The following ABL2 variants were observed in gnomAD, a reference collection of about 807,000 sequenced individuals.
ABL2 encodes the protein ABL proto-oncogene 2, non-receptor tyrosine kinase.
A neutral mutation model predicts 107.7 loss-of-function variants in ABL2; 49 were observed. That is an observed-to-expected ratio of 0.45 (90% CI 0.36 to 0.58). ABL2 has a LOEUF of 0.58. Ranked by LOEUF, ABL2 falls within the 20% of genes least tolerant of loss-of-function variation. The probability of loss-of-function intolerance (pLI) is 0.00; values close to 1 mark genes in which losing one functional copy is unlikely to be tolerated. For missense variants in ABL2, 1,245 were observed against 1,457.0 expected (o/e 0.85, Z 2.37); for synonymous variants, 549 against 548.6 (o/e 1.00, Z -0.01).
At chr1:179,182,097 T>C (rs1399823408) in intron 1 of ABL2, among the ~76,000 whole-genome samples, 1 of 151,760 alleles carries the variant, frequency 6.6e-6, no homozygotes, top group African/African-American at 2.4e-5. Flanking sequence ...GCACCCAGCC[T>C]ATCTTCAAAC....
Position 179,121,727 on chromosome 1 carries a change from G to C in ABL2, c.828C>G (p.Pro276=). 6.2e-7 allele frequency: 1 copy of C among 1,614,046 alleles called. No homozygotes were observed. Among genetic ancestry groups the C allele is most frequent in the Non-Finnish European group, 8.5e-7 (1 of 1,180,018 alleles). Residue 276 remains proline (P), a synonymous_variant, in exon 5 of 12, where the codon CCC becomes CCG. Transcript: ENST00000502732. ...CNKPTVYGVS[P]IHDKWEMERT... is the part of the protein sequence containing the mutation. ...GCTCCATTTCCCATTTGTCGTGGAT[G>C]GGGGACACACCATAGACTGTAGGCT...
intron 1 of ABL2, among the ~76,000 whole-genome samples, chr1:179,146,132 C>T (rs1657972897): frequency 6.6e-6 from 1 of 151,910 alleles, no homozygotes; most frequent in African/African-American, 2.4e-5. Flanking sequence ...TTTTAAAAGA[C>T]CATTATTACA....
intron 1 of ABL2, among the ~76,000 whole-genome samples, chr1:179,161,112 T>G (rs1343457985): frequency 6.6e-6 from 1 of 151,964 alleles, no homozygotes; most frequent in African/African-American, 2.4e-5. Context: ...CCTATACAAA[T>G]AGGGATAAAG....
chr1:179,150,330 C>T (rs762151022), intron 1 of ABL2, among the ~76,000 whole-genome samples: 1 of 152,180 alleles, frequency 6.6e-6, no homozygotes, highest in Non-Finnish European at 1.5e-5. Flanking sequence ...AAGGATCTAC[C>T]ATTCTAGATG....
chr1:179,136,402 G>C (rs534026508), intron 1 of ABL2, among the ~76,000 whole-genome samples: 34 of 152,288 alleles, frequency 2.2e-4, no homozygotes, highest in Admixed American at 2.0e-3. Context: ...GTTGATCGGT[G>C]ACCTTACCCC....
At chr1:179,161,482 C>T (rs1164989786) in intron 1 of ABL2, among the ~76,000 whole-genome samples, 1 of 151,972 alleles carries the variant, frequency 6.6e-6, no homozygotes, top group Admixed American at 6.6e-5. Flanking sequence ...CTTTGGGAGA[C>T]CAAGGTGGTA....
intron 1 of ABL2, among the ~76,000 whole-genome samples, chr1:179,158,918 T>A (rs28914492): frequency 6.6e-6 from 1 of 152,284 alleles, no homozygotes; most frequent in Non-Finnish European, 1.5e-5. Flanking sequence ...GAATATAATA[T>A]CATCTCCCAT....
chr1:179,160,235 C>G (rs549962258), intron 1 of ABL2, among the ~76,000 whole-genome samples: 1 of 151,732 alleles, frequency 6.6e-6, no homozygotes, highest in South Asian at 2.1e-4. Flanking sequence ...CTACTTCAGC[C>G]GGGGGTGGTG....
intron 1 of ABL2, among the ~76,000 whole-genome samples, chr1:179,158,522 C>T (rs925777231): frequency 2.6e-5 from 4 of 152,084 alleles, no homozygotes; most frequent in African/African-American, 9.7e-5. Flanking sequence ...GTTTAAGGGA[C>T]CCCCACAACC....
chr1:179,126,591 G>C lies in ABL2; in HGVS notation c.473C>G (p.Pro158Arg). 6.2e-7 allele frequency: 1 copy of C among 1,614,110 alleles called. No individual in the cohort carries two copies. The highest frequency in any genetic ancestry group is 2.2e-5 in the East Asian group (1 of 44,884). The change falls in exon 4 of 12, where the codon CCA becomes CGA. Residue 158 changes from proline to arginine, a missense_variant. By Grantham distance (103) the Pro-to-Arg change is moderately radical. Transcript: ENST00000502732. The surrounding 1 kb of genome is among the most constrained non-coding windows in gnomAD (Gnocchi z 4.4). ...GTTCACTGGGGTGATGTAGTTGCTT[G>C]GCACCCAGCCCTGCCCATTCTTAGA... The part of the protein sequence containing the change: ...VRSKNGQGWV[P>R]SNYITPVNSL...
At chr1:179,142,815 A>C (rs648727) in intron 1 of ABL2, 1 of 1,229,648 alleles carries the variant, frequency 8.1e-7, no homozygotes, top group Non-Finnish European at 1.1e-6. Context: ...ACAAACTTTC[A>C]CTGACCAAGA....
intron 1 of ABL2, among the ~76,000 whole-genome samples, chr1:179,158,678 C>T (rs1036351314): frequency 6.6e-6 from 1 of 152,054 alleles, no homozygotes; most frequent in African/African-American, 2.4e-5. Flanking sequence ...ACATGGGTAG[C>T]GCACACACAC....
At chr1:179,188,508 C>T (rs1660812027) in intron 1 of ABL2, among the ~76,000 whole-genome samples, 1 of 152,150 alleles carries the variant, frequency 6.6e-6, no homozygotes, top group South Asian at 2.1e-4. Context: ...GATCACACCA[C>T]CACACTCCAG....
chr1:179,201,495 T>C, intron 1 of ABL2: 1 of 255,224 alleles, frequency 3.9e-6, no homozygotes, highest in African/African-American at 2.3e-5. Context: ...TAATCCAAGG[T>C]GATTCCCTCT....
At chr1:179,198,553 C>T (rs999044756) in intron 1 of ABL2, among the ~76,000 whole-genome samples, 1 of 151,362 alleles carries the variant, frequency 6.6e-6, no homozygotes, top group South Asian at 2.1e-4. Flanking sequence ...AGTAGCCAGG[C>T]GTGGTGTCAG....
intron 1 of ABL2, among the ~76,000 whole-genome samples, chr1:179,147,571 G>C (rs188764153): frequency 6.6e-6 from 1 of 152,330 alleles, no homozygotes; most frequent in East Asian, 1.9e-4. Context: ...GCAGCAACAT[G>C]GTTGGAACTG....
In ABL2 at chr1:179,131,433, T is replaced by C; in HGVS notation, c.269A>G (p.Asn90Ser). 6.2e-7 allele frequency: 1 copy of C among 1,614,124 alleles called. No individual in the cohort carries two copies. The highest frequency in any genetic ancestry group is 8.5e-7 in the Non-Finnish European group (1 of 1,179,966). The change falls in exon 3 of 12, where the codon AAT becomes AGT. Residue 90 changes from asparagine to serine, a missense_variant. This residue lies in a region of ABL2 where 164 missense variants were observed against 143.7 expected (regional missense o/e 1.14). Transcript: ENST00000502732. ...YGCDVEPQAL[N>S]EAIRWSSKEN... ...CTTGGAGCTCCACCTGATAGCCTCA[T>C]TTAGTGCCTGGGGTTCAACATCACA...
chr1:179,150,833 CTTATT>C (rs55997145), intron 1 of ABL2, among the ~76,000 whole-genome samples: 12,948 of 152,032 alleles, frequency 0.085, 595 homozygotes, highest in African/African-American at 0.092. Context: ...TCATTGTTGT[CTTATT>C]TTAAGAAATT....
At position 179,117,429 on chromosome 1, in the gene ABL2, G is replaced by A; in HGVS notation, c.1311C>T (p.Asp437=). 1 of 1,614,142 alleles carries A rather than the reference G, an allele frequency of 6.2e-7. No individual in the cohort carries two copies. The highest frequency in any genetic ancestry group is 1.1e-5 in the South Asian group (1 of 91,084). ...DFGLSRLMTG[D]TYTAHAGAKF... is the part of the protein sequence containing the mutation. ...TGGCTCCAGCATGAGCAGTATAAGT[G>A]TCTCCAGTCATCAATCTACTTAAGC... The change falls in exon 8 of 12, where the codon GAC becomes GAT. Residue 437 remains aspartate, a synonymous_variant. Coordinates refer to ENST00000502732, the MANE Select transcript of ABL2 (RefSeq NM_007314.4).
Sources: allele counts gnomAD v4.1 joint callset (sites outside exome capture counted in the v4.1 genomes callset), GRCh38; gene constraint gnomAD v4.1.1; regional missense constraint gnomAD v4.1.1; non-coding constraint Gnocchi (gnomAD v3.1); transcripts MANE v1.5; gene names NCBI Gene and HGNC (gene_info 2026-07-23, HGNC 2026-07-21).